CEP290: variants seen among roughly 807,000 people sequenced by gnomAD.
The protein encoded by CEP290 is centrosomal protein of 290 kDa.
Under a neutral mutation model 344.9 loss-of-function variants are expected in CEP290, and 317 were observed. The observed-to-expected ratio is 0.92, with a 90% CI of 0.84 to 1.01. CEP290 has a LOEUF of 1.01. Ranked by LOEUF, CEP290 falls within the 50% of genes least tolerant of loss-of-function variation. The pLI is 0.00. For missense variants in CEP290, 2,754 were observed against 2,761.4 expected (o/e 1.00, Z 0.06); for synonymous variants, 932 against 895.8 (o/e 1.04, Z -0.72).
At chr12:88,090,894 C>G (rs959146837) in intron 29 of CEP290, 55 bp from the exon 30 acceptor site, 10 of 1,102,012 alleles carry the variant, frequency 9.1e-6, no homozygotes, top group Admixed American at 2.8e-5. Context: ...TAAGTAAATG[C>G]CAAAATTCAA....
rs1048414150 is a variant in CEP290 at position 88,059,018 on chromosome 12, T to C, written c.6648A>G (p.Glu2216=). The C allele has an allele frequency of 2.5e-6, 4 of 1,605,934 alleles. No homozygotes were observed. In the African/African-American group the frequency reaches 5.4e-5, roughly 22 times the overall value. The change falls in exon 49 of 54, where the codon GAA becomes GAG. Residue 2216 remains glutamate (E), a splice_region_variant and synonymous_variant. Transcript: ENST00000552810. ...TCCGTAATTTCTCTGCAGCATCAGT[T>C]TCCTATCATTAAATGCTAATTAGTA... ...NERLRKELKK[E]TDAAEKLRIA... is the part of the protein sequence containing the mutation.
At chr12:88,115,668 A>G in intron 18 of CEP290, 4 of 999,602 alleles carry the variant, frequency 4.0e-6, no homozygotes, top group Non-Finnish European at 5.2e-6. Flanking sequence ...CTGATGTTAA[A>G]GTGCAAACAA....
In CEP290 at chr12:88,089,363, G is replaced by C. The variant is rs1158159341; in HGVS notation, c.3698C>G (p.Ala1233Gly). The C allele has an allele frequency of 6.2e-7, 1 of 1,613,736 alleles. No individual in the cohort carries two copies. The highest frequency in any genetic ancestry group is 1.3e-5 in the African/African-American group (1 of 74,890). Residue 1233 changes from alanine to glycine, a missense_variant, in exon 31 of 54, where the codon GCC (alanine) becomes GGC (glycine). Ala to Gly is a moderately conservative substitution (Grantham distance 60). Coordinates refer to ENST00000552810, the MANE Select transcript of CEP290 (RefSeq NM_025114.4). ...SITSKLQKME[A>G]YNLRLEQKLD... ...TTTCTGCTCTAAGCGCAAGTTGTAG[G>C]CCTCCATCTTCTGCAGTTTAGATGT... is the stretch of plus-strand genomic sequence containing the variant.
intron 6 of CEP290, among the ~76,000 whole-genome samples, chr12:88,131,718 G>A (rs947466390): frequency 3.9e-5 from 6 of 151,986 alleles, no homozygotes; most frequent in Non-Finnish European, 4.4e-5. Context: ...AAGGATTTAA[G>A]GATTAAACAG....
intron 41 of CEP290, among the ~76,000 whole-genome samples, chr12:88,072,499 C>T (rs927059822): frequency 1.3e-5 from 2 of 152,128 alleles, no homozygotes; most frequent in African/African-American, 4.8e-5. Flanking sequence ...TATTCTATCA[C>T]AAGACAAATA....
intron 44 of CEP290, among the ~76,000 whole-genome samples, chr12:88,066,903 G>A (rs1054977077): frequency 2.6e-5 from 4 of 152,100 alleles, no homozygotes; most frequent in Non-Finnish European, 4.4e-5. Flanking sequence ...GTGATTAAAT[G>A]AGTAAGCCAC....
intron 5 of CEP290, among the ~76,000 whole-genome samples, chr12:88,138,938 ACTT>A (rs1304426099): frequency 6.6e-6 from 1 of 152,194 alleles, no homozygotes; most frequent in Non-Finnish European, 1.5e-5. Flanking sequence ...CCAGCAGTTA[ACTT>A]CTTATTTTGT....
At chr12:88,122,487 T>C (rs903754405) in intron 13 of CEP290, among the ~76,000 whole-genome samples, 1 of 152,164 alleles carries the variant, frequency 6.6e-6, no homozygotes, top group Non-Finnish European at 1.5e-5. Context: ...CTGTTCCTGA[T>C]AACTAAACCT....
intron 52 of CEP290, among the ~76,000 whole-genome samples, chr12:88,052,083 A>G (rs2033596237): frequency 6.6e-6 from 1 of 152,234 alleles, no homozygotes; most frequent in Non-Finnish European, 1.5e-5. Context: ...GGTTGTAAAT[A>G]TAGAATGCTT....
chr12:88,115,306 G>A (rs2038972938), intron 18 of CEP290, 124 bp from the exon 19 acceptor site: 6 of 692,662 alleles, frequency 8.7e-6, no homozygotes, highest in Non-Finnish European at 1.4e-5. Flanking sequence ...AACGAGCTAT[G>A]AAGACATAGC....
chr12:88,071,449 T>A lies in CEP290; in HGVS notation c.5856A>T (p.Lys1952Asn). Residue 1952 changes from lysine to asparagine, a missense_variant and splice_region_variant, in exon 43 of 54, where the codon AAA (lysine) becomes AAT (asparagine). Coordinates refer to ENST00000552810, the MANE Select transcript of CEP290 (RefSeq NM_025114.4). The part of the protein sequence containing the change: ...QLNTLKDLFA[K>N]ADKEKLTLQR... ...GCAAAGTAAGTTTCTCTTTATCGGC[T>A]CTGTGGAATTTAATATAGAATCATG... 1 of 1,596,512 alleles carries A rather than the reference T, an allele frequency of 6.3e-7. No individual in the cohort carries two copies. The highest frequency in any genetic ancestry group is 8.5e-7 in the Non-Finnish European group (1 of 1,175,128).
Position 88,129,775 on chromosome 12 carries a change from A to G in CEP290, c.771T>C (p.Tyr257=). ...GATGCACAATAGCTTTCATTCTATT[A>G]TATTCATCAGTCATCTTCTCCATTT... ...VQEMEKMTDE[Y]NRMKAIVHQT... is the part of the protein sequence containing the mutation. The change falls in exon 10 of 54, where the codon TAT becomes TAC. Residue 257 remains tyrosine (Y), a synonymous_variant. Transcript: ENST00000552810. 7 of 1,484,422 alleles carry G rather than the reference A, an allele frequency of 4.7e-6. No individual in the cohort carries two copies. Among genetic ancestry groups the G allele is most frequent in the Non-Finnish European group, 6.3e-6 (7 of 1,107,088 alleles). The allele number at this position is 1,484,422 out of a possible 1,614,324, so 92.0% of individuals were successfully genotyped here. A position where few individuals can be genotyped will look rare whatever the true frequency, so the allele number is the denominator to read the frequency against.
At chr12:88,113,625 T>C (rs1271349743) in intron 20 of CEP290, among the ~76,000 whole-genome samples, 1 of 152,014 alleles carries the variant, frequency 6.6e-6, no homozygotes, top group African/African-American at 2.4e-5. Flanking sequence ...ACGCTAAATA[T>C]GTTCAGATAA....
chr12:88,128,353 A>C (rs2039857665), intron 11 of CEP290, among the ~76,000 whole-genome samples: 1 of 152,166 alleles, frequency 6.6e-6, no homozygotes, highest in Non-Finnish European at 1.5e-5. Context: ...ATGACTCTAG[A>C]AGTGATAGTT....
intron 28 of CEP290, among the ~76,000 whole-genome samples, 167 bp from the exon 29 acceptor site, chr12:88,092,999 G>C (rs142474065): frequency 5.9e-5 from 9 of 152,118 alleles, no homozygotes; most frequent in African/African-American, 2.2e-4. Context: ...AAATATGAAA[G>C]AATCAGAAAC....
In CEP290 at chr12:88,087,582, C is replaced by T. The variant is rs370334241; in HGVS notation, c.4194+198G>A. On this transcript the variant is annotated intron_variant, in intron 32 of 53. Transcript: ENST00000552810. ...AAAAATACAAAAAATTAGCCAGGCACGGTGGCGGGTGCCTGTAGTCCCAGC... is the reference window on the plus strand; with the variant it reads ...AAAAATACAAAAAATTAGCCAGGCATGGTGGCGGGTGCCTGTAGTCCCAGC... Among the ~76,000 whole-genome samples, 266 of 151,452 alleles carry T rather than the reference C, an allele frequency of 1.8e-3. 2 individuals are homozygous for T. The highest frequency in any genetic ancestry group is 6.1e-3 in the African/African-American group (253 of 41,370).
intron 49 of CEP290, 53 bp downstream of exon 49, chr12:88,058,795 T>G: frequency 6.4e-7 from 1 of 1,573,364 alleles, no homozygotes; most frequent in Non-Finnish European, 8.7e-7. Context: ...TTTAAAACAA[T>G]GCCAAAATTT....
At chr12:88,109,039 T>C (rs2038488789) in intron 23 of CEP290, 27 bp downstream of exon 23, 1 of 718,504 alleles carries the variant, frequency 1.4e-6, no homozygotes, top group Non-Finnish European at 2.2e-6. Flanking sequence ...ACTGCAATTA[T>C]ATTTATAGTT....
At chr12:88,127,771 A>G (rs1300004273) in intron 11 of CEP290, among the ~76,000 whole-genome samples, 1 of 152,192 alleles carries the variant, frequency 6.6e-6, no homozygotes, top group Non-Finnish European at 1.5e-5. Flanking sequence ...ATATATAAGG[A>G]TATTCATTAA....
Sources: gnomAD v4.1 joint callset for allele counts (sites outside exome capture counted in the v4.1 genomes callset) on GRCh38, gnomAD v4.1.1 for gene constraint, MANE v1.5 for transcripts, NCBI Gene and HGNC (gene_info 2026-07-23, HGNC 2026-07-21) for gene names.